PIK3C2G: variants seen among roughly 807,000 people sequenced by gnomAD.
PIK3C2G encodes the protein phosphatidylinositol 3-kinase C2 domain-containing subunit gamma.
Under a neutral mutation model 181.1 loss-of-function variants are expected in PIK3C2G, and 168 were observed. The ratio of observed to expected loss-of-function variants is 0.93; its 90% CI spans 0.82 to 1.05. The LOEUF (loss-of-function observed/expected upper bound fraction) is 1.05. Ranked by LOEUF, PIK3C2G falls within the 50% of genes least tolerant of loss-of-function variation. PIK3C2G has a pLI of 0.00. For missense variants in PIK3C2G, 1,869 were observed against 1,732.8 expected (o/e 1.08, Z -1.40); for synonymous variants, 573 against 592.2 (o/e 0.97, Z 0.47).
chr12:18,668,123 T>C, the PIK3C2G span, among the ~76,000 whole-genome samples: 1 of 152,192 alleles, frequency 6.6e-6, no homozygotes, highest in Admixed American at 6.5e-5. Context: ...CCAACTTGTA[T>C]TATCTTAATC....
chr12:18,326,044 A>G (rs1591961732), intron 8 of PIK3C2G, among the ~76,000 whole-genome samples: 1 of 152,244 alleles, frequency 6.6e-6, no homozygotes, highest in East Asian at 1.9e-4. Flanking sequence ...ATGAGGGGAC[A>G]GATTCATAAG....
intron 8 of PIK3C2G, among the ~76,000 whole-genome samples, chr12:18,329,023 A>G (rs1372101093): frequency 6.6e-6 from 1 of 151,998 alleles, no homozygotes; most frequent in Non-Finnish European, 1.5e-5. Context: ...AGGAAAATGA[A>G]GCACAACTGC....
At chr12:18,277,678 A>G (rs1283616671) in intron 1 of PIK3C2G, among the ~76,000 whole-genome samples, 1 of 152,122 alleles carries the variant, frequency 6.6e-6, no homozygotes, top group African/African-American at 2.4e-5. Context: ...ATTCTCAGAA[A>G]GGTTCCTTTT....
intron 11 of PIK3C2G, among the ~76,000 whole-genome samples, chr12:18,352,845 C>T (rs1187873738): frequency 6.6e-6 from 1 of 152,066 alleles, no homozygotes. Flanking sequence ...CTGCATCTTG[C>T]CGATGTCAGA....
intron 13 of PIK3C2G, among the ~76,000 whole-genome samples, chr12:18,378,026 A>G (rs1194385487): frequency 6.6e-6 from 1 of 152,112 alleles, no homozygotes; most frequent in Non-Finnish European, 1.5e-5. Context: ...TTGTTGATAC[A>G]TTGCCCCATA....
In PIK3C2G at chr12:18,505,466, G is replaced by A; in HGVS notation, c.3323+5G>A. ...AACATTTGGAGGGATAAAAAGGTCA[G>A]TGCACAAATGTTTATTACAGTAATT... On this transcript the variant is annotated splice_donor_5th_base_variant and intron_variant, in intron 24 of 32. Coordinates refer to ENST00000538779, the MANE Select transcript of PIK3C2G (RefSeq NM_001288772.2). 6.2e-7 allele frequency: 1 copy of A among 1,605,612 alleles called. No homozygotes were observed. The highest frequency in any genetic ancestry group is 8.5e-7 in the Non-Finnish European group (1 of 1,174,350).
chr12:18,256,186 G>C (rs1948144579), intron 1 of PIK3C2G, among the ~76,000 whole-genome samples: 1 of 151,980 alleles, frequency 6.6e-6, no homozygotes, highest in African/African-American at 2.4e-5. Flanking sequence ...TGATGTATAT[G>C]CTGCAAAACC....
intron 30 of PIK3C2G, among the ~76,000 whole-genome samples, chr12:18,599,033 CT>C (rs1947545321): frequency 6.6e-6 from 1 of 151,296 alleles, no homozygotes; most frequent in Non-Finnish European, 1.5e-5. Flanking sequence ...AATAGGAACA[CT>C]TTTACACTGT....
At chr12:18,488,739 A>G (rs1012173083) in intron 19 of PIK3C2G, 110 bp downstream of exon 19, 1 of 616,970 alleles carries the variant, frequency 1.6e-6, no homozygotes, top group Non-Finnish European at 2.5e-6. Flanking sequence ...TAAATAGAAG[A>G]TACTTAAATC....
At chr12:18,320,566 C>A (rs944003415) in intron 6 of PIK3C2G, among the ~76,000 whole-genome samples, 19 of 152,326 alleles carry the variant, frequency 1.2e-4, no homozygotes, top group Admixed American at 2.0e-4. Context: ...TATGTGTCTG[C>A]CCGCCCATCT....
intron 32 of PIK3C2G, among the ~76,000 whole-genome samples, chr12:18,647,339 A>T (rs1428998578): frequency 6.6e-6 from 1 of 151,884 alleles, no homozygotes; most frequent in African/African-American, 2.4e-5. Context: ...AAAACTACCT[A>T]TTGGGTGCTA....
the PIK3C2G span, among the ~76,000 whole-genome samples, chr12:18,722,050 G>A: frequency 6.6e-6 from 1 of 151,942 alleles, no homozygotes; most frequent in Admixed American, 6.6e-5. Flanking sequence ...ATTCAATTCA[G>A]ATTTAATGCT....
Position 18,305,758 on chromosome 12 carries a change from T to G in PIK3C2G, c.1035-8204T>G, listed in dbSNP as rs1390252063. On this transcript the variant is annotated intron_variant, in intron 5 of 32. Transcript: ENST00000538779. Reference sequence around the variant, plus strand: ...GGATGTTTCTCCTCTGGAGATTTTGTGGGAAAAAACAATAATAAAACCTTA... The same window carrying G: ...GGATGTTTCTCCTCTGGAGATTTTGGGGGAAAAAACAATAATAAAACCTTA... Among the ~76,000 whole-genome samples the G allele has an allele frequency of 2.3e-4, 35 of 151,938 alleles. 1 individual carries two copies. The highest frequency in any genetic ancestry group is 2.3e-3 in the Admixed American group (35 of 15,244).
chr12:18,348,121 T>A (rs1939855585), intron 11 of PIK3C2G, among the ~76,000 whole-genome samples: 1 of 152,124 alleles, frequency 6.6e-6, no homozygotes, highest in Non-Finnish European at 1.5e-5. Flanking sequence ...GGAAAATCCC[T>A]ATAGCCGGAT....
At chr12:18,269,437 A>G (rs1314787619) in intron 1 of PIK3C2G, among the ~76,000 whole-genome samples, 4 of 152,168 alleles carry the variant, frequency 2.6e-5, no homozygotes, top group African/African-American at 4.8e-5. Context: ...GGCAGAGGGC[A>G]GTAATGAAAC....
chr12:18,701,732 G>C, the PIK3C2G span: 2 of 1,610,920 alleles, frequency 1.2e-6, no homozygotes, highest in Non-Finnish European at 1.7e-6. Flanking sequence ...TTTCCTTTAA[G>C]GTTCCTATTT....
chr12:18,371,325 T>C lies in PIK3C2G; in HGVS notation c.1880+14T>C. ...GTTTCCAAAAGAGTAAGTGTATCAA[T>C]TGTGAGTAATAAGCCTATCATTTCA... is the stretch of plus-strand genomic sequence containing the variant. On this transcript the variant is annotated intron_variant, in intron 13 of 32. Coordinates refer to ENST00000538779, the MANE Select transcript of PIK3C2G (RefSeq NM_001288772.2). 6.3e-7 allele frequency: 1 copy of C among 1,596,010 alleles called. No individual in the cohort carries two copies. The highest frequency in any genetic ancestry group is 8.5e-7 in the Non-Finnish European group (1 of 1,170,952).
chr12:18,297,066 AG>A (rs1251992690), intron 5 of PIK3C2G, among the ~76,000 whole-genome samples: 2 of 152,036 alleles, frequency 1.3e-5, no homozygotes, highest in African/African-American at 2.4e-5. Context: ...AGTGAGCTCA[AG>A]GACAGGAATT....
At chr12:18,586,268 A>T (rs888339293) in intron 29 of PIK3C2G, among the ~76,000 whole-genome samples, 2 of 152,176 alleles carry the variant, frequency 1.3e-5, no homozygotes, top group Non-Finnish European at 2.9e-5. Context: ...AACCTCAAAG[A>T]ATCAATCAAT....
Sources: allele counts gnomAD v4.1 joint callset (sites outside exome capture counted in the v4.1 genomes callset), GRCh38; gene constraint gnomAD v4.1.1; transcripts MANE v1.5; gene names NCBI Gene and HGNC (gene_info 2026-07-23, HGNC 2026-07-21).